Variants in UNC79 observed in about 807,000 individuals in gnomAD.
The protein encoded by UNC79 is unc-79 subunit of NALCN channel complex.
In UNC79, 37 loss-of-function variants were observed where a neutral mutation model predicts 283.1. The ratio of observed to expected loss-of-function variants is 0.13; its 90% confidence interval spans 0.10 to 0.17. The LOEUF (loss-of-function observed/expected upper bound fraction) is 0.17, where lower values mean the gene tolerates loss of function less well. Among genes scored for constraint, UNC79 ranks in the 10% least tolerant of loss-of-function variants. UNC79 has a pLI of 1.00. For missense variants in UNC79, 2,272 were observed against 3,211.1 expected (o/e 0.71, Z 7.07); for synonymous variants, 1,107 against 1,200.2 (o/e 0.92, Z 1.61).
chr14:93,657,469 A>C (rs967549315), intron 38 of UNC79, among the ~76,000 whole-genome samples: 4 of 151,132 alleles, frequency 2.6e-5, no homozygotes, highest in Admixed American at 1.3e-4. Flanking sequence ...CTCCTGCCTC[A>C]GCTTCCTGAG....
chr14:93,699,325 C>T (rs568458485), intron 47 of UNC79, among the ~76,000 whole-genome samples: 4 of 152,146 alleles, frequency 2.6e-5, no homozygotes, highest in Non-Finnish European at 5.9e-5. Flanking sequence ...GATATAATTT[C>T]CTTTTCTTTG....
chr14:93,580,485 A>G, intron 19 of UNC79, 109 bp downstream of exon 19: 1 of 1,109,584 alleles, frequency 9.0e-7, no homozygotes, highest in Non-Finnish European at 1.3e-6. Context: ...ATGCTGGGTT[A>G]TACGTGAGAC....
intron 30 of UNC79, among the ~76,000 whole-genome samples, chr14:93,625,485 A>G (rs762903089): frequency 1.1e-4 from 16 of 152,212 alleles, no homozygotes; most frequent in Non-Finnish European, 1.9e-4. Flanking sequence ...CCTTGAATGC[A>G]TCTTCTCCAG....
chr14:93,396,632 A>T (rs2055003252), intron 1 of UNC79, among the ~76,000 whole-genome samples: 1 of 152,000 alleles, frequency 6.6e-6, no homozygotes, highest in African/African-American at 2.4e-5. Context: ...GACTCTTCTC[A>T]ATTATTGCTG....
At chr14:93,493,115 G>A (rs1355642796) in intron 5 of UNC79, among the ~76,000 whole-genome samples, 3 of 152,204 alleles carry the variant, frequency 2.0e-5, no homozygotes, top group Non-Finnish European at 4.4e-5. Context: ...TATTGAGGAA[G>A]TCAGGAGGGC....
chr14:93,687,599 G>A (rs921379145), intron 43 of UNC79, among the ~76,000 whole-genome samples: 1 of 152,156 alleles, frequency 6.6e-6, no homozygotes, highest in Non-Finnish European at 1.5e-5. Context: ...CTGCTCAGAC[G>A]ATCAAAGTGG....
chr14:93,474,526 AC>A lies in UNC79; in HGVS notation c.448+134del, dbSNP rs758062215. 71 of 1,008,816 alleles carry A rather than the reference AC, an allele frequency of 7.0e-5. No individual in the cohort carries two copies. The highest frequency in any genetic ancestry group is 2.0e-4 in the African/African-American group (12 of 61,518). 62.5% of individuals were successfully genotyped at this position (1,008,816 alleles called of 1,614,324 possible). Reference sequence around the variant, plus strand: ...AGGGCTTTGTGTGGCTAGAAGCACTACACTGAAACTTCATTATGGTGCTTCC... The same window carrying A: ...AGGGCTTTGTGTGGCTAGAAGCACTAACTGAAACTTCATTATGGTGCTTCC... On this transcript the variant is annotated intron_variant, in intron 3 of 48. Transcript: ENST00000555664. The surrounding 1 kb of genome is among the most constrained non-coding windows in gnomAD (Gnocchi z 4.1).
chr14:93,454,803 C>T (rs963309560), intron 1 of UNC79, among the ~76,000 whole-genome samples: 2 of 152,184 alleles, frequency 1.3e-5, no homozygotes, highest in Non-Finnish European at 2.9e-5. Context: ...TTCACTTTTG[C>T]TGCCTAACTT....
At chr14:93,610,953 C>T (rs537743572) in intron 26 of UNC79, among the ~76,000 whole-genome samples, 6 of 152,270 alleles carry the variant, frequency 3.9e-5, no homozygotes, top group African/African-American at 1.4e-4. Flanking sequence ...GCCCTGTAAA[C>T]TTTTTCTATT....
chr14:93,566,969 T>C (rs973095527), intron 14 of UNC79, among the ~76,000 whole-genome samples: 8 of 152,150 alleles, frequency 5.3e-5, no homozygotes, highest in Admixed American at 2.0e-4. Flanking sequence ...AAAAGAATAA[T>C]ATAGTGTTAA....
chr14:93,377,870 A>G (rs2054592669), intron 1 of UNC79, among the ~76,000 whole-genome samples: 1 of 152,232 alleles, frequency 6.6e-6, no homozygotes, highest in African/African-American at 2.4e-5. Flanking sequence ...CACTCCCAGC[A>G]GAGAATTACA....
intron 2 of UNC79, among the ~76,000 whole-genome samples, chr14:93,470,379 A>G (rs1246371248): frequency 2.0e-5 from 3 of 152,220 alleles, no homozygotes; most frequent in Non-Finnish European, 4.4e-5. Context: ...GAGAGATTGT[A>G]TGTTACCATA....
At chr14:93,550,762 A>G (rs1372710643) in intron 14 of UNC79, among the ~76,000 whole-genome samples, 2 of 152,024 alleles carry the variant, frequency 1.3e-5, no homozygotes, top group African/African-American at 4.8e-5. Flanking sequence ...CCCATTTAGA[A>G]TAGAGGTCTC....
intron 1 of UNC79, among the ~76,000 whole-genome samples, chr14:93,335,299 C>T (rs1566875019): frequency 6.6e-6 from 1 of 152,130 alleles, no homozygotes; most frequent in African/African-American, 2.4e-5. Flanking sequence ...TTTTGAGATC[C>T]TGAATTAGCT....
At chr14:93,452,027 C>G (rs937689472) in intron 1 of UNC79, among the ~76,000 whole-genome samples, 12 of 152,180 alleles carry the variant, frequency 7.9e-5, no homozygotes, top group Non-Finnish European at 5.9e-5. Context: ...ACTTTGCAGT[C>G]CTGACCCAGA....
At chr14:93,381,218 C>T (rs188308579) in intron 1 of UNC79, among the ~76,000 whole-genome samples, 44 of 152,252 alleles carry the variant, frequency 2.9e-4, no homozygotes, top group African/African-American at 7.5e-4. Flanking sequence ...CTTTAGCTGA[C>T]GAACTACTTC....
intron 1 of UNC79, among the ~76,000 whole-genome samples, chr14:93,384,687 CAGA>C (rs2054733349): frequency 6.6e-6 from 1 of 152,158 alleles, no homozygotes; most frequent in African/African-American, 2.4e-5. Flanking sequence ...CTTTGCTGTG[CAGA>C]AGCTTTTTAA....
intron 1 of UNC79, among the ~76,000 whole-genome samples, chr14:93,406,551 G>A (rs186170897): frequency 1.5e-3 from 222 of 152,250 alleles, no homozygotes; most frequent in Non-Finnish European, 2.8e-3. Flanking sequence ...TCATGCCTTG[G>A]CACTCCAGCC....
chr14:93,659,867 C>A (rs536552552), intron 39 of UNC79, among the ~76,000 whole-genome samples: 2 of 152,086 alleles, frequency 1.3e-5, no homozygotes, highest in African/African-American at 4.8e-5. Context: ...TGTTTTATGC[C>A]CTTGCTGGTG....
Sources: allele counts gnomAD v4.1 joint callset (sites outside exome capture counted in the v4.1 genomes callset), GRCh38; gene constraint gnomAD v4.1.1; non-coding constraint Gnocchi (gnomAD v3.1); transcripts MANE v1.5; gene names NCBI Gene and HGNC (gene_info 2026-07-23, HGNC 2026-07-21).